Variants in MEGF6 observed in about 807,000 individuals in gnomAD.
MEGF6 encodes the protein multiple EGF like domains 6.
In MEGF6, 184 loss-of-function variants were observed where a neutral mutation model predicts 207.1. That is an observed-to-expected ratio of 0.89 (90% CI 0.79 to 1.00). The LOEUF (loss-of-function observed/expected upper bound fraction) is 1.00, where lower values mean the gene tolerates loss of function less well. Among genes scored for constraint, MEGF6 ranks in the 50% least tolerant of loss-of-function variants. MEGF6 has a pLI of 0.00. For missense variants in MEGF6, 2,282 were observed against 2,202.9 expected (o/e 1.04, Z -0.72); for synonymous variants, 1,038 against 910.0 (o/e 1.14, Z -2.53).
intron 1 of MEGF6, among the ~76,000 whole-genome samples, chr1:3,607,794 G>A (rs1456962106): frequency 1.3e-5 from 2 of 152,222 alleles, no homozygotes; most frequent in Admixed American, 6.5e-5. Context: ...AGTCGGAGGC[G>A]GAATGCTCCC....
At chr1:3,533,960 C>T (rs1044914065) in intron 4 of MEGF6, among the ~76,000 whole-genome samples, 4 of 152,180 alleles carry the variant, frequency 2.6e-5, no homozygotes, top group African/African-American at 4.8e-5. Flanking sequence ...AAGCAGGAGG[C>T]ACCAGCCGCA....
chr1:3,594,098 G>A lies in MEGF6; in HGVS notation c.376+1240C>T, dbSNP rs928778515. ...AGAGCTGGGTTCTGTTCCTGTCACCGGAGCCCAGGGGAGCCCACTGTCCAT... is the reference window on the plus strand; with the variant it reads ...AGAGCTGGGTTCTGTTCCTGTCACCAGAGCCCAGGGGAGCCCACTGTCCAT... On this transcript the variant is annotated intron_variant, in intron 3 of 36. Coordinates refer to ENST00000356575, the MANE Select transcript of MEGF6 (RefSeq NM_001409.4). The surrounding 1 kb of genome is among the most constrained non-coding windows in gnomAD (Gnocchi z 4.2). Among the ~76,000 whole-genome samples the A allele has an allele frequency of 8.5e-5, 13 of 152,126 alleles. No homozygotes were observed. The highest frequency in any genetic ancestry group is 1.2e-4 in the African/African-American group (5 of 41,416).
intron 3 of MEGF6, among the ~76,000 whole-genome samples, chr1:3,583,137 G>C (rs1316669142): frequency 6.6e-6 from 1 of 152,202 alleles, no homozygotes; most frequent in African/African-American, 2.4e-5. Flanking sequence ...TTGCTCCCAA[G>C]GGGTGGAAAA....
chr1:3,493,830 T>A lies in MEGF6; in HGVS notation c.4328A>T (p.Asp1443Val). 6.2e-7 allele frequency: 1 copy of A among 1,607,622 alleles called. No individual in the cohort carries two copies. Among genetic ancestry groups the A allele is most frequent in the Non-Finnish European group, 8.5e-7 (1 of 1,177,730 alleles). The change falls in exon 34 of 37, where the codon GAC becomes GTC. Residue 1443 changes from aspartate (D) to valine (V), a missense_variant. Physicochemically the swap from Asp to Val is radical, Grantham distance 152 (BLOSUM62 -3). Coordinates refer to ENST00000356575, the MANE Select transcript of MEGF6 (RefSeq NM_001409.4). ...RCDCDGGAPC[D>V]PVTGLCLCPP... ...GCAAAGGCAGAGACCGGTGACAGGG[T>A]CACAGGGTGCCCCCCCGTCACAGTC...
intron 5 of MEGF6, among the ~76,000 whole-genome samples, chr1:3,518,468 G>C (rs1403050184): frequency 7.9e-5 from 12 of 152,128 alleles, no homozygotes; most frequent in Non-Finnish European, 1.5e-5. Context: ...GAGCTGCCTT[G>C]GTCTCTGCTC....
intron 14 of MEGF6, among the ~76,000 whole-genome samples, chr1:3,506,679 A>C (rs1183224077): frequency 6.6e-6 from 1 of 152,086 alleles, no homozygotes; most frequent in Non-Finnish European, 1.5e-5. Context: ...TTTCTTCCCC[A>C]AACAATTCTC....
At chr1:3,497,498 A>C in intron 26 of MEGF6, 137 bp from the exon 27 acceptor site, 298 of 1,162,576 alleles carry the variant, frequency 2.6e-4, no homozygotes, top group Non-Finnish European at 3.2e-4. Flanking sequence ...CACCATTCTC[A>C]CACCTGGAGC....
chr1:3,538,851 G>A (rs911409507), intron 4 of MEGF6, among the ~76,000 whole-genome samples: 4 of 152,116 alleles, frequency 2.6e-5, no homozygotes, highest in African/African-American at 9.7e-5. Flanking sequence ...CGCTGGGGAT[G>A]TAGCCCCCAG....
intron 5 of MEGF6, among the ~76,000 whole-genome samples, chr1:3,516,918 C>T (rs987846885): frequency 6.6e-6 from 1 of 152,176 alleles, no homozygotes; most frequent in African/African-American, 2.4e-5. Context: ...GAACCCAGGG[C>T]AGAACTCAGG....
At chr1:3,502,044 CCCCCCCGGCG>C in intron 17 of MEGF6, 123 bp from the exon 18 acceptor site, 1 of 1,280,662 alleles carries the variant, frequency 7.8e-7, no homozygotes, top group Non-Finnish European at 1.1e-6. Flanking sequence ...GGCGAGTGTG[CCCCCCCGGCG>C]CCTCCTCACA....
At chr1:3,509,049 C>A (rs1641226470) in intron 12 of MEGF6, 26 bp downstream of exon 12, 2 of 1,509,972 alleles carry the variant, frequency 1.3e-6, no homozygotes, top group East Asian at 2.4e-5. Context: ...CGAGCAGGAG[C>A]CCCCGGGGGC....
At chr1:3,585,644 C>T (rs150949626) in intron 3 of MEGF6, among the ~76,000 whole-genome samples, 2,762 of 133,274 alleles carry the variant, frequency 0.021, 141 homozygotes, top group African/African-American at 0.077. Flanking sequence ...GGTGTGTGGA[C>T]GCATGTCCTG....
intron 4 of MEGF6, among the ~76,000 whole-genome samples, chr1:3,527,286 G>A (rs1253564123): frequency 6.6e-6 from 1 of 152,240 alleles, no homozygotes; most frequent in Non-Finnish European, 1.5e-5. Context: ...GTCAACGGAT[G>A]GTACCCACCC....
rs764905860 is a variant in MEGF6, at chr1:3,499,615, C to T, written c.2938G>A (p.Gly980Ser). 50 of 1,587,196 alleles carry T rather than the reference C, an allele frequency of 3.2e-5. No individual in the cohort carries two copies. Among genetic ancestry groups the T allele is most frequent in the Non-Finnish European group, 4.0e-5 (47 of 1,167,904 alleles). The change falls in exon 23 of 37, where the codon GGC becomes AGC. Residue 980 changes from glycine (G) to serine (S), a missense_variant. Gly to Ser is a moderately conservative substitution (Grantham distance 56). Coordinates refer to ENST00000356575, the MANE Select transcript of MEGF6 (RefSeq NM_001409.4). ...AVNGSCLCPA[G>S]RRGPRCAETC... ...TCGGCACAGCGGGGGCCCCGGCGGC[C>T]AGCGGGGCAGAGGCAGGAGCCATTC...
At chr1:3,605,495 TAC>T (rs138909013) in intron 1 of MEGF6, among the ~76,000 whole-genome samples, 10,649 of 150,188 alleles carry the variant, frequency 0.071, 624 homozygotes, top group Admixed American at 0.15. Flanking sequence ...ATTACACACA[TAC>T]ACACACAATC....
intron 4 of MEGF6, among the ~76,000 whole-genome samples, chr1:3,542,106 TC>T (rs1205193345): frequency 1.3e-5 from 2 of 152,218 alleles, no homozygotes; most frequent in African/African-American, 4.8e-5. Flanking sequence ...CTGCCCCGTT[TC>T]CCGTGATCCG....
intron 14 of MEGF6, 149 bp downstream of exon 14, chr1:3,507,646 G>T: frequency 1.0e-6 from 1 of 977,736 alleles, no homozygotes; most frequent in Non-Finnish European, 1.6e-6. Context: ...CAGGGAGGCA[G>T]GAAGGAAAGG....
intron 2 of MEGF6, among the ~76,000 whole-genome samples, chr1:3,598,487 T>C (rs78462652): frequency 0.06 from 7,286 of 120,798 alleles, 590 homozygotes; most frequent in African/African-American, 0.19. Context: ...TTTGGGCCTG[T>C]GCGTGGTAAA....
At chr1:3,554,290 G>A (rs1368394964) in intron 4 of MEGF6, among the ~76,000 whole-genome samples, 3 of 152,192 alleles carry the variant, frequency 2.0e-5, no homozygotes, top group Admixed American at 6.5e-5. Context: ...CCCCGACCAG[G>A]CGGCTCCGAG....
Sources: allele counts gnomAD v4.1 joint callset (sites outside exome capture counted in the v4.1 genomes callset), GRCh38; gene constraint gnomAD v4.1.1; non-coding constraint Gnocchi (gnomAD v3.1); transcripts MANE v1.5; gene names NCBI Gene and HGNC (gene_info 2026-07-23, HGNC 2026-07-21).